SDK1: variants seen among roughly 807,000 people sequenced by gnomAD.
SDK1 encodes the protein sidekick cell adhesion molecule 1.
In SDK1, 157 loss-of-function variants were observed where a neutral mutation model predicts 245.5. The ratio of observed to expected loss-of-function variants is 0.64; its 90% CI spans 0.56 to 0.73. The LOEUF is 0.73. Ranked by LOEUF, SDK1 falls within the 30% of genes least tolerant of loss-of-function variation. The pLI, the probability that SDK1 is intolerant of heterozygous loss-of-function variation, is 0.00. For synonymous variants in SDK1, 1,647 were observed against 1,278.5 expected, an observed-to-expected ratio of 1.29 and a Z score of -6.15; for missense variants, 3,583 against 3,002.3, an observed-to-expected ratio of 1.19 and a Z score of -4.52.
chr7:3,655,483 ATATATATATATATATATATATG>A (rs1229449636), intron 4 of SDK1, among the ~76,000 whole-genome samples: 7,533 of 90,592 alleles, frequency 0.083, 516 homozygotes, highest in East Asian at 0.15. Flanking sequence ...ATATATATAT[ATATATATATATATATATATATG>A]TATGTATGTA....
At chr7:3,970,268 G>A (rs560357650) in intron 11 of SDK1, among the ~76,000 whole-genome samples, 6 of 152,296 alleles carry the variant, frequency 3.9e-5, no homozygotes, top group African/African-American at 1.4e-4. Flanking sequence ...GTAAATCATT[G>A]TGCTTCATTT....
chr7:4,207,014 T>G (rs947960162), intron 36 of SDK1, among the ~76,000 whole-genome samples: 2 of 152,250 alleles, frequency 1.3e-5, no homozygotes, highest in Non-Finnish European at 2.9e-5. Context: ...CTAATTTCCT[T>G]AATGATAAAG....
intron 8 of SDK1, among the ~76,000 whole-genome samples, chr7:3,960,084 G>A (rs1457622629): frequency 2.6e-5 from 4 of 152,196 alleles, no homozygotes; most frequent in African/African-American, 4.8e-5. Flanking sequence ...CTAAGAGCTC[G>A]GAGGGTAAGA....
intron 28 of SDK1, among the ~76,000 whole-genome samples, chr7:4,145,453 G>C (rs10266799): frequency 6.6e-6 from 1 of 152,122 alleles, no homozygotes; most frequent in Admixed American, 6.5e-5. Flanking sequence ...TGCTCGCCTC[G>C]TGCCCGCATC....
Position 3,596,527 on chromosome 7 carries a change from A to T in SDK1, c.299-22553A>T, listed in dbSNP as rs114996018. Among the ~76,000 whole-genome samples, 1,100 of 152,310 alleles carry T rather than the reference A, an allele frequency of 7.2e-3. 15 individuals carry two copies. The highest frequency in any genetic ancestry group is 0.026 in the African/African-American group (1,064 of 41,570). On this transcript the variant is annotated intron_variant, in intron 1 of 44. Coordinates refer to ENST00000404826, the MANE Select transcript of SDK1 (RefSeq NM_152744.4). ...AGTGCATAAGCCGGTAAGTTTTGACAAACGCATGGACTTTGTGACCACCTC... is the reference window on the plus strand; with the variant it reads ...AGTGCATAAGCCGGTAAGTTTTGACTAACGCATGGACTTTGTGACCACCTC...
intron 44 of SDK1, among the ~76,000 whole-genome samples, chr7:4,253,426 A>G (rs1787435672): frequency 6.6e-6 from 1 of 152,040 alleles, no homozygotes; most frequent in African/African-American, 2.4e-5. Flanking sequence ...ATTTCCTCAT[A>G]TTTGTGAATT....
intron 27 of SDK1, among the ~76,000 whole-genome samples, chr7:4,131,611 A>T (rs1265901937): frequency 6.6e-6 from 1 of 152,168 alleles, no homozygotes; most frequent in African/African-American, 2.4e-5. Flanking sequence ...TTCCAACAAG[A>T]AGCTCTCATA....
intron 8 of SDK1, 127 bp downstream of exon 8, chr7:3,959,141 G>C (rs1178885425): frequency 2.6e-6 from 2 of 759,980 alleles, no homozygotes; most frequent in African/African-American, 1.7e-5. Flanking sequence ...AGACTTCAGA[G>C]AGTAGATCGG....
chr7:3,684,857 G>A (rs1784228857), intron 4 of SDK1, among the ~76,000 whole-genome samples: 1 of 152,156 alleles, frequency 6.6e-6, no homozygotes, highest in Non-Finnish European at 1.5e-5. Flanking sequence ...ATACTCATTA[G>A]ATGGGCTCAA....
intron 4 of SDK1, among the ~76,000 whole-genome samples, chr7:3,800,736 T>A (rs372744306): frequency 2.0e-5 from 3 of 151,786 alleles, no homozygotes; most frequent in East Asian, 1.9e-4. Flanking sequence ...TGATTCAGAG[T>A]TTTTCGTCTG....
At chr7:3,562,340 CT>C (rs939282031) in intron 1 of SDK1, among the ~76,000 whole-genome samples, 3 of 152,184 alleles carry the variant, frequency 2.0e-5, no homozygotes, top group Non-Finnish European at 4.4e-5. Context: ...GTACTTTGGC[CT>C]TTTCTTCCAT....
At chr7:3,378,995 T>A (rs899128017) in intron 1 of SDK1, among the ~76,000 whole-genome samples, 20 of 152,012 alleles carry the variant, frequency 1.3e-4, no homozygotes, top group Non-Finnish European at 2.9e-5. Flanking sequence ...TCTTCCAGCT[T>A]CTCGTTAATT....
chr7:3,413,596 C>T (rs992166986), intron 1 of SDK1, among the ~76,000 whole-genome samples: 3 of 152,218 alleles, frequency 2.0e-5, no homozygotes, highest in Admixed American at 6.5e-5. Context: ...AGGGCTGAGA[C>T]AGGAGGATCA....
chr7:4,083,513 T>C (rs1335737601), intron 22 of SDK1, among the ~76,000 whole-genome samples: 4 of 119,774 alleles, frequency 3.3e-5, no homozygotes, highest in Non-Finnish European at 7.2e-5. Context: ...ACTGGTAGAT[T>C]CCATTTCCAC....
intron 35 of SDK1, among the ~76,000 whole-genome samples, chr7:4,193,387 T>C (rs1300068315): frequency 7.2e-6 from 1 of 139,270 alleles, no homozygotes; most frequent in Non-Finnish European, 1.5e-5. Context: ...TATATATATA[T>C]ATATATATAT....
chr7:3,478,607 T>C (rs116919918), intron 1 of SDK1, among the ~76,000 whole-genome samples: 5 of 151,852 alleles, frequency 3.3e-5, no homozygotes, highest in East Asian at 1.9e-4. Flanking sequence ...TTCTTTGTTC[T>C]TGATCAATGT....
rs765699727 is a variant in SDK1, at chr7:4,233,433, G to C, written c.5992+14G>C. On this transcript the variant is annotated intron_variant, in intron 41 of 44. Transcript: ENST00000404826. ...CGGCTGTGTCAGGTAGGCCCTCCCA[G>C]GGAGGTCTGTCTTCTTCTGGAGGAC... 11 of 1,608,560 alleles carry C rather than the reference G, an allele frequency of 6.8e-6. No homozygotes were observed. In the African/African-American group the frequency reaches 1.5e-4, roughly 21 times the overall value.
chr7:3,416,482 CG>C (rs1779369314), intron 1 of SDK1, among the ~76,000 whole-genome samples: 1 of 105,338 alleles, frequency 9.5e-6, no homozygotes. Context: ...TTTTTTTTTG[CG>C]GGGGAAACAA....
At chr7:3,702,516 A>G (rs1241788828) in intron 4 of SDK1, among the ~76,000 whole-genome samples, 1 of 152,184 alleles carries the variant, frequency 6.6e-6, no homozygotes, top group Non-Finnish European at 1.5e-5. Flanking sequence ...GATAGCATTC[A>G]CCACTCTCAC....
Sources: gnomAD v4.1 joint callset for allele counts (sites outside exome capture counted in the v4.1 genomes callset) on GRCh38, gnomAD v4.1.1 for gene constraint, MANE v1.5 for transcripts, NCBI Gene and HGNC (gene_info 2026-07-23, HGNC 2026-07-21) for gene names.